CPE: variants seen among roughly 807,000 people sequenced by gnomAD.
CPE encodes carbocypeptidase E.
CPE carries 17 observed loss-of-function variants against 53.5 expected under a neutral mutation model. That is an observed-to-expected ratio of 0.32 (90% confidence interval 0.22 to 0.48). CPE has a LOEUF of 0.48. Among genes scored for constraint, CPE ranks in the 20% least tolerant of loss-of-function variants. CPE has a pLI of 0.99. For missense variants in CPE, 524 were observed against 614.7 expected (o/e 0.85, Z 1.56); for synonymous variants, 226 against 228.8 (o/e 0.99, Z 0.11).
At chr4:165,493,357 A>C in intron 7 of CPE, 87 bp downstream of exon 7, 1 of 929,944 alleles carries the variant, frequency 1.1e-6, no homozygotes, top group Non-Finnish European at 1.7e-6. Flanking sequence ...ATGTTCTTCT[A>C]AGCAAAACAA....
At chr4:165,421,096 T>A (rs1321718170) in intron 1 of CPE, among the ~76,000 whole-genome samples, 1 of 152,196 alleles carries the variant, frequency 6.6e-6, no homozygotes, top group Non-Finnish European at 1.5e-5. Flanking sequence ...GGGCCTGCAT[T>A]GTAGTGGAAA....
At chr4:165,394,813 A>G (rs943140862) in intron 1 of CPE, among the ~76,000 whole-genome samples, 1 of 152,176 alleles carries the variant, frequency 6.6e-6, no homozygotes, top group African/African-American at 2.4e-5. Context: ...AATTTCTCAA[A>G]GGACTTTATT....
At chr4:165,450,510 T>C (rs1180208560) in intron 1 of CPE, among the ~76,000 whole-genome samples, 1 of 152,226 alleles carries the variant, frequency 6.6e-6, no homozygotes, top group Non-Finnish European at 1.5e-5. Context: ...CAAAATATGA[T>C]AGTGCATATC....
intron 1 of CPE, among the ~76,000 whole-genome samples, chr4:165,435,273 A>G (rs1161009589): frequency 1.3e-5 from 2 of 152,236 alleles, no homozygotes; most frequent in African/African-American, 4.8e-5. Flanking sequence ...GCCTCAATGA[A>G]ATGATAAAGG....
chr4:165,442,439 A>T (rs75542337), intron 1 of CPE, among the ~76,000 whole-genome samples: 3,943 of 152,030 alleles, frequency 0.026, 163 homozygotes, highest in African/African-American at 0.081. Flanking sequence ...TATTCCTCAA[A>T]CTTATCTTCT....
intron 1 of CPE, among the ~76,000 whole-genome samples, chr4:165,442,666 C>T (rs767685038): frequency 2.0e-5 from 3 of 152,134 alleles, no homozygotes; most frequent in Non-Finnish European, 4.4e-5. Context: ...TTCAAGTGCT[C>T]AAATGTTATT....
At chr4:165,405,294 G>T in intron 1 of CPE, 3 of 1,165,526 alleles carry the variant, frequency 2.6e-6, no homozygotes, top group Non-Finnish European at 3.9e-6. Context: ...TCCTTCTGTG[G>T]AGCTCCAGAT....
intron 7 of CPE, among the ~76,000 whole-genome samples, chr4:165,494,285 T>A (rs888438838): frequency 5.9e-5 from 9 of 152,198 alleles, no homozygotes; most frequent in Admixed American, 1.3e-4. Context: ...ATACAAATAT[T>A]TTATTTTCTC....
At chr4:165,494,059 C>A (rs917842705) in intron 7 of CPE, among the ~76,000 whole-genome samples, 1 of 152,114 alleles carries the variant, frequency 6.6e-6, no homozygotes, top group Non-Finnish European at 1.5e-5. Flanking sequence ...TCTTTCTTAA[C>A]CTTCACATTT....
intron 1 of CPE, among the ~76,000 whole-genome samples, chr4:165,463,698 C>A (rs1162811059): frequency 6.6e-6 from 1 of 152,170 alleles, no homozygotes; most frequent in Non-Finnish European, 1.5e-5. Context: ...TGTTTATCTG[C>A]AAAATGAAGT....
At chr4:165,432,609 T>C (rs1234293503) in intron 1 of CPE, among the ~76,000 whole-genome samples, 1 of 152,218 alleles carries the variant, frequency 6.6e-6, no homozygotes, top group Non-Finnish European at 1.5e-5. Context: ...TAAATAATTT[T>C]TAATAAAACT....
At chr4:165,385,335 A>G (rs2126651826) in intron 1 of CPE, among the ~76,000 whole-genome samples, 1 of 151,634 alleles carries the variant, frequency 6.6e-6, no homozygotes, top group African/African-American at 2.4e-5. Context: ...GCCTCCACCA[A>G]TCCTGCCAAA....
chr4:165,415,590 T>G (rs1401686542), intron 1 of CPE, among the ~76,000 whole-genome samples: 1 of 152,148 alleles, frequency 6.6e-6, no homozygotes, highest in East Asian at 1.9e-4. Context: ...TTATTTCACC[T>G]ATTCACCTAA....
At chr4:165,438,735 T>C (rs144234738) in intron 1 of CPE, among the ~76,000 whole-genome samples, 1 of 152,222 alleles carries the variant, frequency 6.6e-6, no homozygotes, top group East Asian at 1.9e-4. Flanking sequence ...GGCTAGTGGG[T>C]AGTAAGGATT....
rs138641684 is a variant in CPE, at chr4:165,484,532, C to T, written c.901C>T (p.Arg301Cys). The T allele has an allele frequency of 7.4e-6, 12 of 1,614,122 alleles. No homozygotes were observed. The highest frequency in any genetic ancestry group is 4.5e-5 in the East Asian group (2 of 44,874). Reference sequence around the variant, plus strand: ...GTCTGACCCCAATCGGCCACCATGTCGCAAGAATGATGATGACAGCAGCTT... The same window carrying T: ...GTCTGACCCCAATCGGCCACCATGTTGCAAGAATGATGATGACAGCAGCTT... ...AMSDPNRPPCRKNDDDSSFVD... is the reference protein window; with the variant it reads ...AMSDPNRPPCCKNDDDSSFVD... The change falls in exon 5 of 9, where the codon CGC (arginine) becomes TGC (cysteine). Residue 301 changes from arginine (R) to cysteine (C), a missense_variant. Coordinates refer to ENST00000402744, the MANE Select transcript of CPE (RefSeq NM_001873.4).
chr4:165,411,859 G>A (rs979941066), intron 1 of CPE, among the ~76,000 whole-genome samples: 5 of 152,178 alleles, frequency 3.3e-5, no homozygotes, highest in Admixed American at 2.6e-4. Context: ...TGATGGAGGC[G>A]AAAATCTTTT....
chr4:165,480,994 GGA>G (rs1732397027), intron 3 of CPE, among the ~76,000 whole-genome samples: 1 of 114,284 alleles, frequency 8.8e-6, no homozygotes. Context: ...TTTCTACAAT[GGA>G]TATATATATA....
chr4:165,437,734 A>G (rs1731534008), intron 1 of CPE, among the ~76,000 whole-genome samples: 1 of 152,150 alleles, frequency 6.6e-6, no homozygotes, highest in South Asian at 2.1e-4. Context: ...GCAATCTGGG[A>G]GCAGAGTGTG....
rs766532383 is a variant in CPE, at chr4:165,484,409, A to G, written c.791-13A>G. On this transcript the variant is annotated splice_polypyrimidine_tract_variant and intron_variant, in intron 4 of 8. Coordinates refer to ENST00000402744, the MANE Select transcript of CPE (RefSeq NM_001873.4). ...TGTGTCTGTTTCTTTAATCTTGTGG[A>G]TTTGTTTTCTAGGTAGTGCTCACGA... 2 of 1,609,888 alleles carry G rather than the reference A, an allele frequency of 1.2e-6. No homozygotes were observed. Among genetic ancestry groups the G allele is most frequent in the East Asian group, 2.2e-5 (1 of 44,738 alleles).
Sources: allele counts gnomAD v4.1 joint callset (sites outside exome capture counted in the v4.1 genomes callset), GRCh38; gene constraint gnomAD v4.1.1; transcripts MANE v1.5; gene names NCBI Gene and HGNC (gene_info 2026-07-23, HGNC 2026-07-21).